ADAMTS12: variants seen among roughly 807,000 people sequenced by gnomAD.
ADAMTS12 encodes ADAM metallopeptidase with thrombospondin type 1 motif 12, also known as A disintegrin and metalloproteinase with thrombospondin motifs 12.
A neutral mutation model predicts 167.8 loss-of-function variants in ADAMTS12; 118 were observed. That is an observed-to-expected ratio of 0.70 (90% confidence interval 0.61 to 0.82). The LOEUF (loss-of-function observed/expected upper bound fraction) is 0.82. Ranked by LOEUF, ADAMTS12 falls within the 40% of genes least tolerant of loss-of-function variation. The probability of loss-of-function intolerance (pLI) is 0.00; values close to 1 mark genes in which losing one functional copy is unlikely to be tolerated. For synonymous variants in ADAMTS12, 704 were observed against 716.9 expected, an observed-to-expected ratio of 0.98 and a Z score of 0.29; for missense variants, 1,916 against 1,998.8, an observed-to-expected ratio of 0.96 and a Z score of 0.79.
chr5:33,647,209 C>T (rs1027282363), intron 9 of ADAMTS12, among the ~76,000 whole-genome samples: 1 of 152,136 alleles, frequency 6.6e-6, no homozygotes, highest in Non-Finnish European at 1.5e-5. Context: ...ATTATGAAGC[C>T]TCTTCTTAAG....
chr5:33,588,516 A>G (rs1747470170), intron 18 of ADAMTS12, 83 bp downstream of exon 18: 1 of 1,544,522 alleles, frequency 6.5e-7, no homozygotes, highest in African/African-American at 1.4e-5. Flanking sequence ...ACCTAGGGTC[A>G]CTTTGGATTG....
intron 13 of ADAMTS12, among the ~76,000 whole-genome samples, chr5:33,628,849 TG>T (rs1413514705): frequency 6.6e-6 from 1 of 152,156 alleles, no homozygotes; most frequent in Non-Finnish European, 1.5e-5. Context: ...AGACAGAAAG[TG>T]GGTAATTATA....
intron 2 of ADAMTS12, among the ~76,000 whole-genome samples, chr5:33,792,384 G>A (rs774357304): frequency 6.6e-5 from 10 of 152,194 alleles, no homozygotes; most frequent in Non-Finnish European, 7.3e-5. Context: ...TGCATGTCAC[G>A]TAACTGGCTC....
At chr5:33,652,116 A>C (rs1740886353) in intron 7 of ADAMTS12, among the ~76,000 whole-genome samples, 1 of 152,054 alleles carries the variant, frequency 6.6e-6, no homozygotes. Context: ...TTTACACAAT[A>C]ATTTCTCTTC....
intron 22 of ADAMTS12, among the ~76,000 whole-genome samples, chr5:33,537,176 A>G (rs1202186789): frequency 2.0e-5 from 3 of 152,258 alleles, no homozygotes; most frequent in African/African-American, 7.2e-5. Context: ...ATTGGGTGCC[A>G]ACAGATAAAC....
chr5:33,706,043 C>T (rs975005535), intron 3 of ADAMTS12, among the ~76,000 whole-genome samples: 6 of 152,036 alleles, frequency 3.9e-5, no homozygotes, highest in Admixed American at 3.3e-4. Context: ...ATATGACTAA[C>T]CAAAGCAATC....
In ADAMTS12 at chr5:33,526,415, A is replaced by G. The variant is rs1743812881; in HGVS notation, c.*773T>C. 1 of 152,182 alleles carries G rather than the reference A, an allele frequency of 6.6e-6. No homozygotes were observed. Among genetic ancestry groups the G allele is most frequent in the South Asian group, 2.1e-4 (1 of 4,826 alleles). 9.4% of individuals were successfully genotyped at this position (152,182 alleles called of 1,614,324 possible). A position where few individuals can be genotyped will look rare whatever the true frequency, so the allele number is the denominator to read the frequency against. On this transcript the variant is annotated 3_prime_UTR_variant, in exon 24 of 24. Transcript: ENST00000504830. The stretch of plus-strand genomic sequence containing the variant: ...AGGCCCACAGTTCCTTTTCTGTAAT[A>G]TTAAGAAATTGATTTCTGCTCATTT...
intron 2 of ADAMTS12, among the ~76,000 whole-genome samples, chr5:33,849,441 T>C (rs967139034): frequency 6.9e-6 from 1 of 145,662 alleles, no homozygotes; most frequent in African/African-American, 2.5e-5. Context: ...AATAGCAATA[T>C]ATATATGTAT....
At chr5:33,862,931 A>C (rs111780212) in intron 2 of ADAMTS12, among the ~76,000 whole-genome samples, 2 of 152,336 alleles carry the variant, frequency 1.3e-5, no homozygotes, top group East Asian at 1.9e-4. Context: ...AACAGAACCA[A>C]CGACAAAAAC....
At chr5:33,872,820 G>T (rs1373999856) in intron 2 of ADAMTS12, among the ~76,000 whole-genome samples, 4 of 151,600 alleles carry the variant, frequency 2.6e-5, no homozygotes, top group Non-Finnish European at 5.9e-5. Flanking sequence ...TGTAATCCAT[G>T]ACACTGACAG....
chr5:33,720,169 A>G (rs1057354640), intron 3 of ADAMTS12, among the ~76,000 whole-genome samples: 2 of 152,070 alleles, frequency 1.3e-5, no homozygotes, highest in South Asian at 2.1e-4. Flanking sequence ...CCACTGGACA[A>G]TGGGGTTAAG....
At chr5:33,804,861 G>C (rs1428906721) in intron 2 of ADAMTS12, among the ~76,000 whole-genome samples, 4 of 152,064 alleles carry the variant, frequency 2.6e-5, no homozygotes, top group Admixed American at 2.6e-4. Context: ...TGAAGAGATA[G>C]AACATTGTAC....
intron 22 of ADAMTS12, among the ~76,000 whole-genome samples, chr5:33,543,225 CT>C (rs1744795734): frequency 6.6e-6 from 1 of 152,134 alleles, no homozygotes; most frequent in African/African-American, 2.4e-5. Flanking sequence ...TCAGAGAATA[CT>C]ATAAACACCT....
intron 5 of ADAMTS12, among the ~76,000 whole-genome samples, chr5:33,663,519 A>G (rs1368831914): frequency 6.6e-6 from 1 of 152,234 alleles, no homozygotes; most frequent in African/African-American, 2.4e-5. Context: ...GCTTTTACAT[A>G]CGCTGTCTCT....
intron 16 of ADAMTS12, among the ~76,000 whole-genome samples, chr5:33,604,458 G>A (rs1236519162): frequency 6.6e-6 from 1 of 150,460 alleles, no homozygotes; most frequent in Admixed American, 6.6e-5. Flanking sequence ...CGGAAATTAC[G>A]CCACTGCACT....
intron 3 of ADAMTS12, among the ~76,000 whole-genome samples, chr5:33,711,316 C>G (rs572011273): frequency 1.3e-5 from 2 of 152,164 alleles, no homozygotes; most frequent in Non-Finnish European, 2.9e-5. Flanking sequence ...TGTCCACCCT[C>G]GGTGACCCAG....
chr5:33,888,247 A>T (rs1390914762), intron 1 of ADAMTS12: 3 of 152,224 alleles, frequency 2.0e-5, no homozygotes, highest in African/African-American at 7.2e-5. Context: ...AGATTATGAA[A>T]TTCCTGTAAT....
intron 3 of ADAMTS12, among the ~76,000 whole-genome samples, chr5:33,711,050 G>T (rs2112316888): frequency 6.6e-6 from 1 of 152,242 alleles, no homozygotes; most frequent in East Asian, 1.9e-4. Flanking sequence ...CTCTCTTGCA[G>T]TGAAGATTCC....
At chr5:33,815,582 T>C (rs1419351329) in intron 2 of ADAMTS12, among the ~76,000 whole-genome samples, 1 of 152,186 alleles carries the variant, frequency 6.6e-6, no homozygotes, top group Non-Finnish European at 1.5e-5. Context: ...AGTGTTCTAT[T>C]ATAGAAGCCT....
Sources: gnomAD v4.1 joint callset for allele counts (sites outside exome capture counted in the v4.1 genomes callset) on GRCh38, gnomAD v4.1.1 for gene constraint, MANE v1.5 for transcripts, NCBI Gene and HGNC (gene_info 2026-07-23, HGNC 2026-07-21) for gene names.